Variants in PCDHGB4 observed in about 807,000 individuals in gnomAD.
PCDHGB4 encodes protocadherin gamma subfamily B, 4.
Under a neutral mutation model 60.5 loss-of-function variants are expected in PCDHGB4, and 38 were observed. That is an observed-to-expected ratio of 0.63 (90% CI 0.48 to 0.82). The LOEUF (loss-of-function observed/expected upper bound fraction) is 0.82. Among genes scored for constraint, PCDHGB4 ranks in the 40% least tolerant of loss-of-function variants. PCDHGB4 has a pLI of 0.00. For missense variants in PCDHGB4, 1,109 were observed against 1,209.6 expected, an observed-to-expected ratio of 0.92 and a Z score of 1.23; for synonymous variants, 456 against 509.7, an observed-to-expected ratio of 0.89 and a Z score of 1.42.
chr5:141,458,619 G>T (rs1393941674), intron 1 of PCDHGB4, among the ~76,000 whole-genome samples: 1 of 152,080 alleles, frequency 6.6e-6, no homozygotes, highest in South Asian at 2.1e-4. Context: ...AGCCAGGCTG[G>T]AGTGCAGTGG....
chr5:141,420,394 C>A, intron 1 of PCDHGB4: 2 of 1,260,296 alleles, frequency 1.6e-6, no homozygotes, highest in Non-Finnish European at 2.1e-6. Flanking sequence ...AAATATAGGT[C>A]AAATTTATGG....
intron 1 of PCDHGB4, chr5:141,395,272 G>C (rs750503990): frequency 6.5e-7 from 1 of 1,544,348 alleles, no homozygotes; most frequent in Admixed American, 2.1e-5. Context: ...TTAATTTCCA[G>C]ATGAATTTTA....
intron 1 of PCDHGB4, chr5:141,422,221 A>T (rs1267909650): frequency 1.3e-6 from 2 of 1,565,034 alleles, no homozygotes; most frequent in Admixed American, 4.0e-5. Context: ...CTTTACCACC[A>T]CGACGATGTT....
intron 1 of PCDHGB4, among the ~76,000 whole-genome samples, chr5:141,481,103 C>G (rs190529217): frequency 2.6e-4 from 39 of 152,252 alleles, no homozygotes; most frequent in Non-Finnish European, 3.4e-4. Context: ...TACTCTGGAA[C>G]CTACCAATCC....
chr5:141,492,619 G>A lies in PCDHGB4; in HGVS notation c.2398-2188G>A, dbSNP rs778698501. ...GCGACTGCCGCTCTAAGTGCCGGGC[G>A]GGCAGGACTCTACGATCCTTGGGCC... On this transcript the variant is annotated intron_variant, in intron 1 of 3. Coordinates refer to ENST00000519479, the MANE Select transcript of PCDHGB4 (RefSeq NM_003736.4). 7.8e-4 allele frequency among the ~76,000 whole-genome samples: 118 copies of A among 152,234 alleles called. 1 individual carries two copies. The highest frequency in any genetic ancestry group is 3.3e-3 in the Admixed American group (51 of 15,282).
At chr5:141,496,928 G>A (rs2099772685) in intron 2 of PCDHGB4, among the ~76,000 whole-genome samples, 1 of 151,334 alleles carries the variant, frequency 6.6e-6, no homozygotes, top group Non-Finnish European at 1.5e-5. Context: ...GTTCACGCCT[G>A]TAATCCCAGC....
chr5:141,415,772 T>TTTTA, intron 1 of PCDHGB4: 1 of 1,332,982 alleles, frequency 7.5e-7, no homozygotes, highest in Non-Finnish European at 9.6e-7. Context: ...TTTTTTTTTT[T>TTTTA]ACTTTCTGGT....
At position 141,432,872 on chromosome 5, in the gene PCDHGB4, C is replaced by T; in HGVS notation, c.2397+42591C>T. On this transcript the variant is annotated intron_variant, in intron 1 of 3. Transcript: ENST00000519479. This position sits in a 1 kb window ranked among gnomAD's most constrained non-coding sequence, Gnocchi z 6.0. ...GGTGGCCGCGGTCTCCTGCGTCTTC[C>T]TGGCCTTCGTCATCTTGCTGCTGGC... is the stretch of plus-strand genomic sequence containing the variant. 1.9e-6 allele frequency: 3 copies of T among 1,614,192 alleles called. No homozygotes were observed. Among genetic ancestry groups the T allele is most frequent in the Non-Finnish European group, 2.5e-6 (3 of 1,180,018 alleles).
chr5:141,506,994 G>A (rs1053891468), intron 3 of PCDHGB4: 1 of 152,126 alleles, frequency 6.6e-6, no homozygotes, highest in Non-Finnish European at 1.5e-5. Context: ...TCTCACACTC[G>A]ACAGATGAGA....
chr5:141,409,187 A>C, intron 1 of PCDHGB4: 1 of 1,614,024 alleles, frequency 6.2e-7, no homozygotes, highest in Non-Finnish European at 8.5e-7. Flanking sequence ...TGGTCTCTCT[A>C]CCCAGTGTAA....
chr5:141,460,346 ATTTTC>A (rs1049715417), intron 1 of PCDHGB4, among the ~76,000 whole-genome samples: 6 of 151,964 alleles, frequency 3.9e-5, no homozygotes, highest in Non-Finnish European at 8.8e-5. Flanking sequence ...TTTCTCCTAT[ATTTTC>A]TTTTAGAAGT....
rs770760145 is a variant in PCDHGB4 at position 141,421,951 on chromosome 5, A to C, written c.2397+31670A>C. On this transcript the variant is annotated intron_variant, in intron 1 of 3. Transcript: ENST00000519479. Reference sequence around the variant, plus strand: ...CCTCGATGTAAATGATCACATCCCAATGTTTACACAGTCCGTATATCGCGT... The same window carrying C: ...CCTCGATGTAAATGATCACATCCCACTGTTTACACAGTCCGTATATCGCGT... 1.9e-6 allele frequency: 3 copies of C among 1,612,854 alleles called. No homozygotes were observed. The highest frequency in any genetic ancestry group is 2.5e-6 in the Non-Finnish European group (3 of 1,179,434).
In PCDHGB4 at chr5:141,489,183, G is replaced by A. The variant is rs2099683673; in HGVS notation, c.2398-5624G>A. 7.9e-7 allele frequency: 1 copy of A among 1,270,400 alleles called. No individual in the cohort carries two copies. Among genetic ancestry groups the A allele is most frequent in the Non-Finnish European group, 1.1e-6 (1 of 913,958 alleles). The allele number at this position is 1,270,400 out of a possible 1,614,324, so 78.7% of individuals were successfully genotyped here. A position where few individuals can be genotyped will look rare whatever the true frequency, so the allele number is the denominator to read the frequency against. ...TTCAGCTGCTGCATTCCAAGCCCTGGGTCTACCTTGGAGACAGGACAGCAC... is the reference window on the plus strand; with the variant it reads ...TTCAGCTGCTGCATTCCAAGCCCTGAGTCTACCTTGGAGACAGGACAGCAC... On this transcript the variant is annotated intron_variant, in intron 1 of 3. Transcript: ENST00000519479. The surrounding 1 kb of genome is among the most constrained non-coding windows in gnomAD (Gnocchi z 4.5).
chr5:141,420,244 C>A lies in PCDHGB4; in HGVS notation c.2397+29963C>A, dbSNP rs755775597. On this transcript the variant is annotated intron_variant, in intron 1 of 3. Coordinates refer to ENST00000519479, the MANE Select transcript of PCDHGB4 (RefSeq NM_003736.4). ...TACTGGCTAGCATTTTAACTCCCAGCGTTGAAGCAGATAAGAAGATTCTTA... is the reference window on the plus strand; with the variant it reads ...TACTGGCTAGCATTTTAACTCCCAGAGTTGAAGCAGATAAGAAGATTCTTA... 83 of 1,584,438 alleles carry A rather than the reference C, an allele frequency of 5.2e-5. 1 individual carries two copies. The South Asian group carries it at 9.4e-4, about 18-fold the overall frequency.
intron 1 of PCDHGB4, chr5:141,418,597 G>A (rs2096274061): frequency 3.7e-6 from 6 of 1,614,052 alleles, no homozygotes; most frequent in Non-Finnish European, 5.1e-6. Flanking sequence ...GCCAGGACGT[G>A]TACAGGGTTA....
At chr5:141,394,057 T>C (rs1318938543) in intron 1 of PCDHGB4, 1 of 1,613,750 alleles carries the variant, frequency 6.2e-7, no homozygotes, top group East Asian at 2.2e-5. Flanking sequence ...CGAGAAAATG[T>C]CTCTATCTAC....
At chr5:141,417,872 T>G (rs2096175848) in intron 1 of PCDHGB4, 5 of 1,555,026 alleles carry the variant, frequency 3.2e-6, no homozygotes, top group African/African-American at 1.4e-5. Flanking sequence ...GGGAGGGAGC[T>G]GCGCGCAGAG....
At chr5:141,471,302 C>T (rs111827070) in intron 1 of PCDHGB4, 9,302 of 152,168 alleles carry the variant, frequency 0.061, 339 homozygotes, top group South Asian at 0.12. Flanking sequence ...CCACCCAACT[C>T]GGCCTCCCAA....
chr5:141,410,251 C>T, intron 1 of PCDHGB4: 1 of 1,614,016 alleles, frequency 6.2e-7, no homozygotes, highest in Non-Finnish European at 8.5e-7. Flanking sequence ...TACTCTCTGA[C>T]CCCCAGGCTG....
Sources: gnomAD v4.1 joint callset for allele counts (sites outside exome capture counted in the v4.1 genomes callset) on GRCh38, gnomAD v4.1.1 for gene constraint, Gnocchi (gnomAD v3.1) non-coding constraint, MANE v1.5 for transcripts, NCBI Gene and HGNC (gene_info 2026-07-23, HGNC 2026-07-21) for gene names.